LCA5: variants seen among roughly 807,000 people sequenced by gnomAD.
LCA5 encodes the protein lebercilin.
A neutral mutation model predicts 53.0 loss-of-function variants in LCA5; 37 were observed. That is an observed-to-expected ratio of 0.70 (90% CI 0.54 to 0.92). The LOEUF (loss-of-function observed/expected upper bound fraction) is 0.92. LCA5 is among the 40% of genes least tolerant of loss of function. The probability of loss-of-function intolerance (pLI) is 0.00; values close to 1 mark genes in which losing one functional copy is unlikely to be tolerated. For missense variants in LCA5, 806 were observed against 790.5 expected, an observed-to-expected ratio of 1.02 and a Z score of -0.23; for synonymous variants, 303 against 282.9, an observed-to-expected ratio of 1.07 and a Z score of -0.71.
intron 3 of LCA5, among the ~76,000 whole-genome samples, chr6:79,494,765 G>A (rs1769934233): frequency 6.6e-6 from 1 of 152,078 alleles, no homozygotes; most frequent in African/African-American, 2.4e-5. Flanking sequence ...AAATTCTGCT[G>A]TTCATTATTA....
At chr6:79,499,005 T>A (rs1402136895) in intron 3 of LCA5, among the ~76,000 whole-genome samples, 3 of 152,104 alleles carry the variant, frequency 2.0e-5, no homozygotes, top group Admixed American at 2.0e-4. Flanking sequence ...GCAAAAGGAA[T>A]TTAGCAATGT....
chr6:79,486,845 TATGTA>T lies in LCA5; in HGVS notation c.*154_*158del. The T allele has an allele frequency of 1.6e-6, 1 of 611,762 alleles. No individual in the cohort carries two copies. Among genetic ancestry groups the T allele is most frequent in the Non-Finnish European group, 2.8e-6 (1 of 361,876 alleles). The allele number at this position is 611,762 out of a possible 1,614,324, so 37.9% of individuals were successfully genotyped here. ...TTCTTGGCAAACTATCTATGTGGTGTATGTATGATCTACTTCTTTTTAACTGCATT... is the reference window on the plus strand; with the variant it reads ...TTCTTGGCAAACTATCTATGTGGTGTTGATCTACTTCTTTTTAACTGCATT... On this transcript the variant is annotated 3_prime_UTR_variant, in exon 8 of 8. Coordinates refer to ENST00000369846, the MANE Select transcript of LCA5 (RefSeq NM_001122769.3).
intron 1 of LCA5, among the ~76,000 whole-genome samples, chr6:79,525,998 C>G (rs555192125): frequency 1.3e-5 from 2 of 152,046 alleles, no homozygotes; most frequent in Non-Finnish European, 1.5e-5. Flanking sequence ...GGATTTATAC[C>G]CTCACTAAAC....
intron 3 of LCA5, among the ~76,000 whole-genome samples, chr6:79,506,321 T>A (rs1260593041): frequency 2.0e-5 from 3 of 152,230 alleles, no homozygotes; most frequent in Non-Finnish European, 4.4e-5. Context: ...CTTTTAATAA[T>A]AATGTACATA....
At chr6:79,488,629 C>T (rs1769742757) in intron 7 of LCA5, 1 of 193,670 alleles carries the variant, frequency 5.2e-6, no homozygotes, top group Admixed American at 5.4e-5. Context: ...AAGAGAATGT[C>T]CTAGTTTGGG....
chr6:79,536,806 T>C (rs576324401), intron 1 of LCA5, among the ~76,000 whole-genome samples: 146 of 152,256 alleles, frequency 9.6e-4, no homozygotes, highest in African/African-American at 3.4e-3. Context: ...TTTGTTTGTT[T>C]TAATAACAAC....
At chr6:79,499,488 G>C (rs953510143) in intron 3 of LCA5, among the ~76,000 whole-genome samples, 2 of 151,742 alleles carry the variant, frequency 1.3e-5, no homozygotes, top group African/African-American at 2.4e-5. Context: ...AAGATCTAAA[G>C]CAAAAATAGA....
At chr6:79,503,448 C>CT (rs1412073784) in intron 3 of LCA5, among the ~76,000 whole-genome samples, 1 of 152,022 alleles carries the variant, frequency 6.6e-6, no homozygotes. Context: ...AGTTTCAAAC[C>CT]TTTTTTAAAA....
At position 79,492,610 on chromosome 6, in the gene LCA5, G is replaced by C; in HGVS notation, c.896C>G (p.Ser299Cys). 3 of 1,566,538 alleles carry C rather than the reference G, an allele frequency of 1.9e-6. No homozygotes were observed. The highest frequency in any genetic ancestry group is 2.3e-5 in the South Asian group (2 of 87,640). Residue 299 changes from serine (S) to cysteine (C), a missense_variant, in exon 5 of 8, where the codon TCT becomes TGT. Transcript: ENST00000369846. ...ERELDIKNIY[S>C]NRLPKSSPNK... ...TGGAGAGGACTTTGGCAGACGATTA[G>C]AATATATATTTTTTATATCCAGTTC... is the stretch of plus-strand genomic sequence containing the variant.
chr6:79,515,732 A>G (rs1408874685), intron 2 of LCA5, among the ~76,000 whole-genome samples: 1 of 152,136 alleles, frequency 6.6e-6, no homozygotes, highest in African/African-American at 2.4e-5. Context: ...ACAAGTAAAG[A>G]ATAACAAGTA....
intron 1 of LCA5, among the ~76,000 whole-genome samples, chr6:79,527,969 A>G (rs989168600): frequency 3.9e-5 from 6 of 152,164 alleles, no homozygotes; most frequent in African/African-American, 1.4e-4. Flanking sequence ...TTTAAGGCAA[A>G]CCTTAGAAAT....
intron 1 of LCA5, among the ~76,000 whole-genome samples, chr6:79,535,126 A>G (rs1319765111): frequency 6.6e-6 from 1 of 152,218 alleles, no homozygotes; most frequent in Non-Finnish European, 1.5e-5. Context: ...AAAAATGGAT[A>G]TAGCTCACAT....
At chr6:79,532,216 T>C (rs1365271539) in intron 1 of LCA5, among the ~76,000 whole-genome samples, 1 of 152,158 alleles carries the variant, frequency 6.6e-6, no homozygotes, top group African/African-American at 2.4e-5. Context: ...GATCTGACCA[T>C]TTCTTACTGT....
chr6:79,530,548 C>G (rs1420604600), intron 1 of LCA5, among the ~76,000 whole-genome samples: 1 of 152,088 alleles, frequency 6.6e-6, no homozygotes, highest in Non-Finnish European at 1.5e-5. Context: ...ACAATATATT[C>G]TTTTCTTTGC....
chr6:79,494,998 T>G (rs1769941127), intron 3 of LCA5, among the ~76,000 whole-genome samples: 1 of 152,242 alleles, frequency 6.6e-6, no homozygotes, highest in Non-Finnish European at 1.5e-5. Context: ...CCCCAACCCC[T>G]GGGCTGCAGA....
chr6:79,520,479 A>T (rs942229080), intron 1 of LCA5, among the ~76,000 whole-genome samples: 2 of 152,194 alleles, frequency 1.3e-5, no homozygotes, highest in Non-Finnish European at 2.9e-5. Context: ...TGGATTTTAG[A>T]TAATTTTATC....
chr6:79,508,412 T>C (rs1770325747), intron 3 of LCA5, among the ~76,000 whole-genome samples: 1 of 152,136 alleles, frequency 6.6e-6, no homozygotes, highest in Non-Finnish European at 1.5e-5. Flanking sequence ...CAGGCTGATG[T>C]CCTGGCGAAG....
In LCA5 at chr6:79,491,654, A is replaced by G; in HGVS notation, c.1032T>C (p.Tyr344=). The change falls in exon 6 of 8, where the codon TAT becomes TAC. Residue 344 remains tyrosine, a synonymous_variant. Coordinates refer to ENST00000369846, the MANE Select transcript of LCA5 (RefSeq NM_001122769.3). ...QTMEDFKPEE[Y]PLTPETIMCY... ...ACATAATTGTTTCTGGAGTTAAAGGATATTCTTCTGGCTTGAAGTCTTCCA... is the reference window on the plus strand; with the variant it reads ...ACATAATTGTTTCTGGAGTTAAAGGGTATTCTTCTGGCTTGAAGTCTTCCA... 6.2e-7 allele frequency: 1 copy of G among 1,613,214 alleles called. No homozygotes were observed. Among genetic ancestry groups the G allele is most frequent in the Non-Finnish European group, 8.5e-7 (1 of 1,179,330 alleles).
Position 79,513,642 on chromosome 6 carries a change from G to C in LCA5, c.290C>G (p.Thr97Ser). The C allele has an allele frequency of 6.2e-7, 1 of 1,613,818 alleles. No homozygotes were observed. The highest frequency in any genetic ancestry group is 8.5e-7 in the Non-Finnish European group (1 of 1,179,812). ...SLNREPLRKD[T>S]DLVTKRILSA... The stretch of plus-strand genomic sequence containing the variant: ...CAGAATCCGTTTTGTAACAAGATCA[G>C]TATCTTTCCGAAGTGGCTCTCTATT... The change falls in exon 3 of 8, where the codon ACT (threonine) becomes AGT (serine). Residue 97 changes from threonine (T) to serine (S), a missense_variant. Coordinates refer to ENST00000369846, the MANE Select transcript of LCA5 (RefSeq NM_001122769.3).
Sources: allele counts gnomAD v4.1 joint callset (sites outside exome capture counted in the v4.1 genomes callset), GRCh38; gene constraint gnomAD v4.1.1; transcripts MANE v1.5; gene names NCBI Gene and HGNC (gene_info 2026-07-23, HGNC 2026-07-21).